The following ITSN1 variants were observed in gnomAD, a reference collection of about 807,000 sequenced individuals.
The protein encoded by ITSN1 is intersectin 1, also known as intersectin-1.
A neutral mutation model predicts 239.8 loss-of-function variants in ITSN1; 58 were observed. The observed-to-expected ratio is 0.24, with a 90% CI of 0.20 to 0.30. The LOEUF is 0.30. Among genes scored for constraint, ITSN1 ranks in the 10% least tolerant of loss-of-function variants. The pLI, the probability that ITSN1 is intolerant of heterozygous loss-of-function variation, is 1.00. For synonymous variants in ITSN1, 780 were observed against 770.8 expected, an observed-to-expected ratio of 1.01 and a Z score of -0.20; for missense variants, 1,558 against 2,103.3, an observed-to-expected ratio of 0.74 and a Z score of 5.07.
At chr21:33,872,939 A>G (rs1016697897) in intron 33 of ITSN1, among the ~76,000 whole-genome samples, 5 of 152,226 alleles carry the variant, frequency 3.3e-5, no homozygotes, top group Non-Finnish European at 5.9e-5. Flanking sequence ...TTTTGAAACT[A>G]AACAAAACAA....
chr21:33,720,788 C>T (rs2065438316), intron 2 of ITSN1, among the ~76,000 whole-genome samples: 1 of 152,146 alleles, frequency 6.6e-6, no homozygotes, highest in Admixed American at 6.6e-5. Flanking sequence ...CTTCTTCTTT[C>T]ATAACTTTTG....
intron 1 of ITSN1, among the ~76,000 whole-genome samples, chr21:33,676,334 CCT>C (rs758511966): frequency 5.3e-5 from 8 of 152,070 alleles, no homozygotes; most frequent in Non-Finnish European, 1.0e-4. Flanking sequence ...GAGAACATCC[CCT>C]GTCACTTCAA....
At chr21:33,872,235 T>A (rs1416452531) in intron 33 of ITSN1, among the ~76,000 whole-genome samples, 1 of 152,232 alleles carries the variant, frequency 6.6e-6, no homozygotes, top group Admixed American at 6.5e-5. Context: ...TAATTCCTCT[T>A]TGGCTCAGCA....
chr21:33,653,284 C>T (rs551052278), intron 1 of ITSN1, among the ~76,000 whole-genome samples: 81 of 151,976 alleles, frequency 5.3e-4, no homozygotes, highest in Middle Eastern at 3.4e-3. Context: ...CGTGAGCCAC[C>T]GCACCCAGCC....
chr21:33,785,097 A>G (rs1376607524), intron 16 of ITSN1, among the ~76,000 whole-genome samples: 2 of 152,186 alleles, frequency 1.3e-5, no homozygotes, highest in East Asian at 1.9e-4. Flanking sequence ...GTTCACGTAG[A>G]TTGTTCACCT....
At chr21:33,814,779 G>A (rs984004053) in intron 22 of ITSN1, among the ~76,000 whole-genome samples, 4 of 152,084 alleles carry the variant, frequency 2.6e-5, no homozygotes, top group Non-Finnish European at 2.9e-5. Flanking sequence ...CCGGCAGGGC[G>A]GTGCCACCAG....
intron 1 of ITSN1, among the ~76,000 whole-genome samples, chr21:33,716,929 C>A (rs1167152636): frequency 6.7e-6 from 1 of 149,862 alleles, no homozygotes; most frequent in East Asian, 2.0e-4. Context: ...AAGCAAGACT[C>A]CGTCTCAAAA....
chr21:33,802,349 G>A, intron 19 of ITSN1, 81 bp from the exon 20 acceptor site: 3 of 1,399,576 alleles, frequency 2.1e-6, no homozygotes, highest in Non-Finnish European at 3.0e-6. Flanking sequence ...GATGCGTAGA[G>A]TTTAGATATG....
chr21:33,770,517 C>T (rs2069077612), intron 11 of ITSN1, among the ~76,000 whole-genome samples: 2 of 152,190 alleles, frequency 1.3e-5, no homozygotes, highest in South Asian at 4.1e-4. Context: ...GCCACAACCT[C>T]TCTTGTCCCA....
At chr21:33,690,255 G>C (rs543716329) in intron 1 of ITSN1, among the ~76,000 whole-genome samples, 65 of 151,562 alleles carry the variant, frequency 4.3e-4, no homozygotes, top group Non-Finnish European at 8.0e-4. Context: ...TCCAGCCTGG[G>C]TGATAGAGCA....
intron 1 of ITSN1, among the ~76,000 whole-genome samples, chr21:33,705,209 G>A (rs934599142): frequency 5.3e-5 from 8 of 151,294 alleles, no homozygotes; most frequent in South Asian, 2.1e-4. Context: ...GCTTTGTACC[G>A]TACCTGGAAA....
intron 1 of ITSN1, among the ~76,000 whole-genome samples, chr21:33,707,460 C>T (rs916923004): frequency 6.6e-6 from 1 of 152,114 alleles, no homozygotes; most frequent in East Asian, 1.9e-4. Context: ...TTAGTTTTGA[C>T]ATGAGCATAT....
At chr21:33,707,456 T>C (rs1426062628) in intron 1 of ITSN1, among the ~76,000 whole-genome samples, 2 of 152,084 alleles carry the variant, frequency 1.3e-5, no homozygotes, top group Admixed American at 1.3e-4. Context: ...TTGGTTAGTT[T>C]TGACATGAGC....
intron 1 of ITSN1, among the ~76,000 whole-genome samples, chr21:33,653,545 C>G (rs2088747416): frequency 6.6e-6 from 1 of 151,772 alleles, no homozygotes; most frequent in Admixed American, 6.6e-5. Flanking sequence ...TTTTTTGAGA[C>G]AGAGTCTCGC....
chr21:33,847,027 GC>G (rs1569296766), intron 29 of ITSN1, among the ~76,000 whole-genome samples: 1 of 152,230 alleles, frequency 6.6e-6, no homozygotes, highest in East Asian at 1.9e-4. Flanking sequence ...GATCTATGCA[GC>G]CGCTGTGAAT....
At chr21:33,799,747 C>A in intron 18 of ITSN1, 61 bp from the exon 19 acceptor site, 15 of 1,576,276 alleles carry the variant, frequency 9.5e-6, no homozygotes, top group Non-Finnish European at 1.3e-5. Context: ...GGCTTGTTGT[C>A]ATACATTTGT....
intron 1 of ITSN1, among the ~76,000 whole-genome samples, chr21:33,704,923 T>TAAAAAAAA (rs55966725): frequency 4.6e-4 from 43 of 93,630 alleles, no homozygotes; most frequent in East Asian, 1.3e-3. Flanking sequence ...CCATCTCTAC[T>TAAAAAAAA]AAAAAAAAAA....
chr21:33,830,657 T>G (rs1184497363), intron 27 of ITSN1, among the ~76,000 whole-genome samples: 1 of 152,060 alleles, frequency 6.6e-6, no homozygotes, highest in Admixed American at 6.6e-5. Context: ...AGACCCTGTG[T>G]GAAAGAAAAC....
intron 1 of ITSN1, chr21:33,644,011 A>G (rs1214802081): frequency 6.6e-6 from 1 of 152,334 alleles, no homozygotes; most frequent in African/African-American, 2.4e-5. Flanking sequence ...CCAGCAGGCC[A>G]GCTGGTTTGC....
Sources: gnomAD v4.1 joint callset for allele counts (sites outside exome capture counted in the v4.1 genomes callset) on GRCh38, gnomAD v4.1.1 for gene constraint, MANE v1.5 for transcripts, NCBI Gene and HGNC (gene_info 2026-07-23, HGNC 2026-07-21) for gene names.